DNAJC16: variants seen among roughly 807,000 people sequenced by gnomAD.
DNAJC16 encodes the protein dnaJ homolog subfamily C member 16.
DNAJC16 carries 76 observed loss-of-function variants against 92.7 expected under a neutral mutation model. The ratio of observed to expected loss-of-function variants is 0.82; its 90% CI spans 0.68 to 0.99. The LOEUF is 0.99. Ranked by LOEUF, DNAJC16 falls within the 50% of genes least tolerant of loss-of-function variation. The pLI is 0.00. For synonymous variants in DNAJC16, 328 were observed against 358.7 expected, an observed-to-expected ratio of 0.91 and a Z score of 0.97; for missense variants, 869 against 942.4, an observed-to-expected ratio of 0.92 and a Z score of 1.02.
At position 15,571,430 on chromosome 1, in the gene DNAJC16, G is replaced by A. The variant is rs1638945694; in HGVS notation, c.*3253G>A. 6.6e-6 allele frequency: 1 copy of A among 152,602 alleles called. No homozygotes were observed. The highest frequency in any genetic ancestry group is 2.4e-5 in the African/African-American group (1 of 41,430). The allele number at this position is 152,602 out of a possible 1,614,324, so 9.5% of individuals were successfully genotyped here. A position where few individuals can be genotyped will look rare whatever the true frequency, so the allele number is the denominator to read the frequency against. ...CAAACATCTTTACAGAGGAACTGTA[G>A]TTCACATCCACCTGTCTGACATTGT... On this transcript the variant is annotated 3_prime_UTR_variant, in exon 15 of 15. Transcript: ENST00000375847.
In DNAJC16 at chr1:15,568,044, G is replaced by T. The variant is rs116019892; in HGVS notation, c.2216G>T (p.Arg739Leu). ...VDSSLYLGES[R>L]GKPSCGLGSR... is the part of the protein sequence containing the mutation. ...TCTTCCCTCTACCTGGGTGAATCTCGAGGGAAACCTTCCTGTGGCCTTGGA... is the reference window on the plus strand; with the variant it reads ...TCTTCCCTCTACCTGGGTGAATCTCTAGGGAAACCTTCCTGTGGCCTTGGA... Residue 739 changes from arginine (R) to leucine (L), a missense_variant, in exon 15 of 15, where the codon CGA (arginine) becomes CTA (leucine). Coordinates refer to ENST00000375847, the MANE Select transcript of DNAJC16 (RefSeq NM_015291.4). The T allele has an allele frequency of 1.2e-5, 20 of 1,614,062 alleles. No individual in the cohort carries two copies. The highest frequency in any genetic ancestry group is 1.6e-5 in the Non-Finnish European group (19 of 1,180,044).
chr1:15,568,821 CAAG>C lies in DNAJC16; in HGVS notation c.*647_*649del, dbSNP rs1638878977. 1 of 397,864 alleles carries C rather than the reference CAAG, an allele frequency of 2.5e-6. No homozygotes were observed. The highest frequency in any genetic ancestry group is 4.4e-6 in the Non-Finnish European group (1 of 225,870). 24.6% of individuals were successfully genotyped at this position (397,864 alleles called of 1,614,324 possible). On this transcript the variant is annotated 3_prime_UTR_variant, in exon 15 of 15. Transcript: ENST00000375847. ...AACGGGAGTTCTGCATGTGAGTTCT[CAAG>C]AAAAGGAAAGGGAGGCTGAGCAGTG...
intron 13 of DNAJC16, chr1:15,566,446 T>C: frequency 6.6e-6 from 3 of 456,712 alleles, no homozygotes; most frequent in Non-Finnish European, 7.9e-6. Context: ...GGACGTGGTT[T>C]ATCCCTGTAA....
chr1:15,566,353 G>A, intron 13 of DNAJC16, 173 bp downstream of exon 13: 2 of 608,656 alleles, frequency 3.3e-6, no homozygotes, highest in Non-Finnish European at 5.7e-6. Flanking sequence ...CTAAGACCCT[G>A]TAGGTGTTTA....
chr1:15,536,198 C>T (rs1411094800), intron 3 of DNAJC16, among the ~76,000 whole-genome samples: 1 of 151,592 alleles, frequency 6.6e-6, no homozygotes, highest in Non-Finnish European at 1.5e-5. Context: ...CTCAGCCTCC[C>T]GAGTAGCTGG....
Position 15,563,923 on chromosome 1 carries a change from T to G in DNAJC16, c.1339-6T>G. 6.2e-7 allele frequency: 1 copy of G among 1,600,590 alleles called. No homozygotes were observed. The highest frequency in any genetic ancestry group is 1.1e-5 in the South Asian group (1 of 88,724). ...TTCTGATGTTTTTTCTCTACTTTTC[T>G]TCCAGGTGTCTATTTTAGAAAGGCG... On this transcript the variant is annotated splice_polypyrimidine_tract_variant and splice_region_variant and intron_variant, in intron 9 of 14. Transcript: ENST00000375847.
At chr1:15,562,347 C>T (rs773840343) in intron 9 of DNAJC16, 22 bp downstream of exon 9, 12 of 1,598,398 alleles carry the variant, frequency 7.5e-6, no homozygotes, top group Non-Finnish European at 1.0e-5. Flanking sequence ...AGTCTCTCCT[C>T]ATCCCAGGCT....
intron 11 of DNAJC16, 82 bp downstream of exon 11, chr1:15,564,441 A>G (rs1638764790): frequency 1.0e-6 from 1 of 954,442 alleles, no homozygotes; most frequent in East Asian, 2.4e-5. Flanking sequence ...GTTCATCATT[A>G]TTAAATTTCA....
chr1:15,540,473 C>T (rs887973221), intron 4 of DNAJC16, among the ~76,000 whole-genome samples: 4 of 152,130 alleles, frequency 2.6e-5, no homozygotes, highest in Non-Finnish European at 5.9e-5. Context: ...AGACTCATCA[C>T]GTTAATCGTC....
intron 7 of DNAJC16, among the ~76,000 whole-genome samples, chr1:15,554,168 A>C (rs1289458314): frequency 6.6e-6 from 1 of 152,086 alleles, no homozygotes; most frequent in East Asian, 1.9e-4. Flanking sequence ...GTGCCACTGC[A>C]CTACAACCTG....
chr1:15,563,694 C>A (rs60524694), intron 9 of DNAJC16, among the ~76,000 whole-genome samples: 40,717 of 127,704 alleles, frequency 0.32, 8,244 homozygotes, highest in African/African-American at 0.57. Context: ...AAAAAAATAC[C>A]AAAAATTAGC....
At position 15,531,769 on chromosome 1, in the gene DNAJC16, G is replaced by A. The variant is rs190444059; in HGVS notation, c.168-2468G>A. Among the ~76,000 whole-genome samples the A allele has an allele frequency of 7.8e-4, 119 of 152,248 alleles. No individual in the cohort carries two copies. In the Middle Eastern group the frequency reaches 0.027, roughly 35 times the overall value. On this transcript the variant is annotated intron_variant, in intron 2 of 14. Coordinates refer to ENST00000375847, the MANE Select transcript of DNAJC16 (RefSeq NM_015291.4). ...GTAAAAGTCTAAAATTTTACTTTAC[G>A]TTTTTAATTTTGCTCTACTATTATT...
intron 7 of DNAJC16, among the ~76,000 whole-genome samples, chr1:15,552,770 ATTT>A (rs1275264353): frequency 2.1e-5 from 3 of 140,382 alleles, no homozygotes; most frequent in Admixed American, 7.1e-5. Context: ...ATTATTATTT[ATTT>A]TTTTTTTTTT....
rs930906433 is a variant in DNAJC16, at chr1:15,568,699, G to A, written c.*522G>A. 2.3e-5 allele frequency: 9 copies of A among 399,066 alleles called. No individual in the cohort carries two copies. The highest frequency in any genetic ancestry group is 6.3e-4 in the Middle Eastern group (1 of 1,588). The allele number at this position is 399,066 out of a possible 1,614,324, so 24.7% of individuals were successfully genotyped here. ...AAGGCCCCTTTCCAAGCAATCTCAC[G>A]TTTACTGGTTGTTCTGGGAGTAAGT... On this transcript the variant is annotated 3_prime_UTR_variant, in exon 15 of 15. Transcript: ENST00000375847.
intron 9 of DNAJC16, among the ~76,000 whole-genome samples, 171 bp from the exon 10 acceptor site, chr1:15,563,758 G>A (rs916352713): frequency 6.7e-6 from 1 of 150,282 alleles, no homozygotes; most frequent in African/African-American, 2.5e-5. Flanking sequence ...GCTGAGCCAG[G>A]AGAATGGCGT....
At chr1:15,564,398 A>G (rs772315924) in intron 11 of DNAJC16, 39 bp downstream of exon 11, 18 of 1,232,076 alleles carry the variant, frequency 1.5e-5, no homozygotes, top group South Asian at 6.0e-5. Context: ...TTTCTCTGTT[A>G]ATACTGATAT....
intron 7 of DNAJC16, among the ~76,000 whole-genome samples, chr1:15,554,931 G>A (rs1413991487): frequency 6.6e-6 from 1 of 151,654 alleles, no homozygotes; most frequent in Non-Finnish European, 1.5e-5. Flanking sequence ...ATTTGTTTAG[G>A]TCTTCTGTAA....
intron 4 of DNAJC16, among the ~76,000 whole-genome samples, chr1:15,540,327 A>G (rs1710903911): frequency 6.6e-6 from 1 of 151,666 alleles, no homozygotes. Flanking sequence ...CTCCGTCTCA[A>G]AAAAAAAAGA....
chr1:15,568,156 A>G lies in DNAJC16; in HGVS notation c.2328A>G (p.Pro776=), dbSNP rs1638864032. The G allele has an allele frequency of 3.7e-6, 6 of 1,612,542 alleles. No homozygotes were observed. Among genetic ancestry groups the G allele is most frequent in the Non-Finnish European group, 5.1e-6 (6 of 1,179,252 alleles). Residue 776 remains proline (P), a synonymous_variant, in exon 15 of 15, where the codon CCA becomes CCG. Transcript: ENST00000375847. ...LEGSLQRFYI[P]SWPELD ...GCTCCTTACAGAGGTTTTATATCCC[A>G]TCATGGCCTGAACTAGACTGAGAGG... is the stretch of plus-strand genomic sequence containing the variant.
Sources: gnomAD v4.1 joint callset for allele counts (sites outside exome capture counted in the v4.1 genomes callset) on GRCh38, gnomAD v4.1.1 for gene constraint, MANE v1.5 for transcripts, NCBI Gene and HGNC (gene_info 2026-07-23, HGNC 2026-07-21) for gene names.